The following ARHGAP26 variants were observed in gnomAD, a reference collection of about 807,000 sequenced individuals.
ARHGAP26 encodes the protein rho GTPase-activating protein 26.
A neutral mutation model predicts 104.8 loss-of-function variants in ARHGAP26; 38 were observed. The observed-to-expected ratio is 0.36, with a 90% CI of 0.28 to 0.48. ARHGAP26 has a LOEUF of 0.48. Ranked by LOEUF, ARHGAP26 falls within the 20% of genes least tolerant of loss-of-function variation. The pLI, the probability that ARHGAP26 is intolerant of heterozygous loss-of-function variation, is 0.99. For missense variants in ARHGAP26, 704 were observed against 947.9 expected (o/e 0.74, Z 3.38); for synonymous variants, 341 against 340.0 (o/e 1.00, Z -0.03).
intron 14 of ARHGAP26, among the ~76,000 whole-genome samples, chr5:143,046,751 GTCTA>G (rs1784295542): frequency 6.6e-6 from 1 of 152,090 alleles, no homozygotes; most frequent in Non-Finnish European, 1.5e-5. Flanking sequence ...TTCAGTGTAT[GTCTA>G]TCTCTCTTCC....
In ARHGAP26 at chr5:143,141,191, G is replaced by C. The variant is rs142205773; in HGVS notation, c.1838-6040G>C. ...GACTGAAAACCACGTTGATAATGTGGCTATTAAAAAATGATGCTGTGGAAA... is the reference window on the plus strand; with the variant it reads ...GACTGAAAACCACGTTGATAATGTGCCTATTAAAAAATGATGCTGTGGAAA... On this transcript the variant is annotated intron_variant, in intron 19 of 22. Transcript: ENST00000645722. 1.0e-3 allele frequency among the ~76,000 whole-genome samples: 153 copies of C among 152,308 alleles called. 2 individuals carry two copies. In the East Asian group the frequency reaches 0.024, roughly 24 times the overall value.
chr5:142,862,629 T>C (rs982858483), intron 1 of ARHGAP26, among the ~76,000 whole-genome samples: 1 of 152,216 alleles, frequency 6.6e-6, no homozygotes, highest in Admixed American at 6.5e-5. Flanking sequence ...TTCTGGGTTC[T>C]GTCTGGGTGC....
At chr5:143,187,327 TCTGAAAA>T in intron 20 of ARHGAP26, among the ~76,000 whole-genome samples, 1 of 152,242 alleles carries the variant, frequency 6.6e-6, no homozygotes, top group Non-Finnish European at 1.5e-5. Flanking sequence ...ACAAGTTTTC[TCTGAAAA>T]CAGATAACCC....
chr5:142,815,117 C>G (rs925455825), intron 1 of ARHGAP26, among the ~76,000 whole-genome samples: 3 of 152,244 alleles, frequency 2.0e-5, no homozygotes, highest in Admixed American at 2.0e-4. Flanking sequence ...TCCCCTGCCT[C>G]AGCCTCCCAA....
intron 11 of ARHGAP26, among the ~76,000 whole-genome samples, chr5:142,944,790 G>GATT (rs1195679607): frequency 6.6e-6 from 1 of 152,176 alleles, no homozygotes; most frequent in Non-Finnish European, 1.5e-5. Context: ...CTGGCCTTGG[G>GATT]ATTATACCCA....
chr5:143,121,025 G>A lies in ARHGAP26; in HGVS notation c.1576G>A (p.Ala526Thr). 6.2e-7 allele frequency: 1 copy of A among 1,613,174 alleles called. No individual in the cohort carries two copies. The highest frequency in any genetic ancestry group is 8.5e-7 in the Non-Finnish European group (1 of 1,179,468). The change falls in exon 18 of 23, where the codon GCA becomes ACA. Residue 526 changes from alanine (A) to threonine (T), a missense_variant. Ala to Thr is a moderately conservative substitution (Grantham distance 58). This residue lies in a region of ARHGAP26 where 287 missense variants were observed against 438.8 expected (regional missense o/e 0.65). Transcript: ENST00000645722. Reference sequence around the variant, plus strand: ...CCACAAGCAGAATTTGATGACGGTGGCAAACCTTGGTGTGGTGTTTGGACC... The same window carrying A: ...CCACAAGCAGAATTTGATGACGGTGACAAACCTTGGTGTGGTGTTTGGACC... ...NNHKQNLMTV[A>T]NLGVVFGPTL... is the part of the protein sequence containing the mutation.
At chr5:143,213,827 G>C (rs897276906) in intron 21 of ARHGAP26, among the ~76,000 whole-genome samples, 170 bp from the exon 22 acceptor site, 9 of 152,128 alleles carry the variant, frequency 5.9e-5, no homozygotes, top group African/African-American at 2.2e-4. Context: ...TTTCTCCTGT[G>C]ATCTTTGCAG....
chr5:142,827,392 C>T (rs1767506468), intron 1 of ARHGAP26, among the ~76,000 whole-genome samples: 1 of 152,224 alleles, frequency 6.6e-6, no homozygotes, highest in African/African-American at 2.4e-5. Flanking sequence ...CAGCTTAATG[C>T]CTCCAAGCTA....
chr5:143,166,116 C>T, intron 20 of ARHGAP26: 3 of 1,303,270 alleles, frequency 2.3e-6, no homozygotes, highest in Non-Finnish European at 3.0e-6. Flanking sequence ...GGAGGCTGCC[C>T]TCTGGGTTCC....
intron 20 of ARHGAP26, among the ~76,000 whole-genome samples, chr5:143,167,947 C>T (rs1286984597): frequency 3.9e-5 from 6 of 152,102 alleles, no homozygotes; most frequent in South Asian, 4.1e-4. Context: ...GTGCCCTTCA[C>T]GATGAGAAAT....
intron 14 of ARHGAP26, among the ~76,000 whole-genome samples, chr5:143,046,801 T>C (rs768853193): frequency 1.3e-5 from 2 of 152,228 alleles, no homozygotes; most frequent in African/African-American, 4.8e-5. Context: ...AATTTTTTCC[T>C]GATGAAAAGT....
chr5:142,790,610 G>A (rs1273421517), intron 1 of ARHGAP26, among the ~76,000 whole-genome samples: 4 of 152,168 alleles, frequency 2.6e-5, no homozygotes, highest in African/African-American at 9.7e-5. Flanking sequence ...ATGCGGCCTT[G>A]TATGATCAGG....
chr5:142,984,375 C>A (rs533762589), intron 11 of ARHGAP26, among the ~76,000 whole-genome samples: 20 of 152,190 alleles, frequency 1.3e-4, no homozygotes, highest in Non-Finnish European at 2.6e-4. Flanking sequence ...AGTCCATTAG[C>A]AGTAGCTGTC....
intron 1 of ARHGAP26, among the ~76,000 whole-genome samples, chr5:142,825,007 A>G (rs1766951047): frequency 2.0e-5 from 3 of 152,192 alleles, no homozygotes. Context: ...TTCATTCATT[A>G]TAATTATTCA....
chr5:142,955,092 G>C (rs1175388633), intron 11 of ARHGAP26, among the ~76,000 whole-genome samples: 1 of 104,950 alleles, frequency 9.5e-6, no homozygotes, highest in African/African-American at 4.2e-5. Flanking sequence ...AGTGAGACCT[G>C]TCTACACACA....
chr5:142,914,481 A>G (rs900968593), intron 10 of ARHGAP26, among the ~76,000 whole-genome samples: 1 of 152,214 alleles, frequency 6.6e-6, no homozygotes, highest in Non-Finnish European at 1.5e-5. Context: ...AGTTCCCAGG[A>G]TGGTTATAAG....
chr5:143,175,300 C>T (rs926430957), intron 20 of ARHGAP26, among the ~76,000 whole-genome samples: 4 of 152,130 alleles, frequency 2.6e-5, no homozygotes, highest in African/African-American at 4.8e-5. Flanking sequence ...AAAGGCAGCT[C>T]ATGAGAAGCA....
chr5:142,976,288 A>G (rs1773076889), intron 11 of ARHGAP26, among the ~76,000 whole-genome samples: 1 of 152,162 alleles, frequency 6.6e-6, no homozygotes, highest in Non-Finnish European at 1.5e-5. Context: ...TTTAGAAAGC[A>G]CCTCTCTAAA....
chr5:143,190,142 A>G (rs963766681), intron 20 of ARHGAP26, among the ~76,000 whole-genome samples: 3 of 152,188 alleles, frequency 2.0e-5, no homozygotes, highest in African/African-American at 7.2e-5. Flanking sequence ...CAAAGAGGTA[A>G]TTACAGCTTC....
Sources: allele counts gnomAD v4.1 joint callset (sites outside exome capture counted in the v4.1 genomes callset), GRCh38; gene constraint gnomAD v4.1.1; regional missense constraint gnomAD v4.1.1; transcripts MANE v1.5; gene names NCBI Gene and HGNC (gene_info 2026-07-23, HGNC 2026-07-21).